PRUNE2: variants seen among roughly 807,000 people sequenced by gnomAD.
PRUNE2 encodes protein prune homolog 2.
Under a neutral mutation model 252.0 loss-of-function variants are expected in PRUNE2, and 164 were observed. The observed-to-expected ratio is 0.65, with a 90% CI of 0.57 to 0.74. PRUNE2 has a LOEUF of 0.74. PRUNE2 is among the 30% of genes least tolerant of loss of function. The pLI, the probability that PRUNE2 is intolerant of heterozygous loss-of-function variation, is 0.00. For synonymous variants in PRUNE2, 1,292 were observed against 1,350.2 expected (o/e 0.96, Z 0.94); for missense variants, 3,495 against 3,711.0 (o/e 0.94, Z 1.51).
At chr9:76,846,371 T>G in intron 4 of PRUNE2, 144 bp downstream of exon 4, 1 of 599,280 alleles carries the variant, frequency 1.7e-6, no homozygotes, top group Non-Finnish European at 2.8e-6. Context: ...AACAAACTCT[T>G]TACTCCCTGC....
intron 9 of PRUNE2, among the ~76,000 whole-genome samples, chr9:76,702,630 T>TGAATGAATGAATGAATGAAA (rs1588689034): frequency 6.6e-6 from 1 of 152,072 alleles, no homozygotes; most frequent in Non-Finnish European, 1.5e-5. Context: ...AATGAATGAA[T>TGAATGAATGAATGAATGAAA]CACTGATTTA....
At chr9:76,905,381 C>T (rs1053958664) in intron 1 of PRUNE2, among the ~76,000 whole-genome samples, 4 of 152,188 alleles carry the variant, frequency 2.6e-5, no homozygotes. Context: ...CAGATGTGAA[C>T]AGGAATTAGC....
chr9:76,884,130 G>A (rs2061950247), intron 1 of PRUNE2, among the ~76,000 whole-genome samples: 1 of 152,080 alleles, frequency 6.6e-6, no homozygotes, highest in Non-Finnish European at 1.5e-5. Flanking sequence ...GATGTAACCA[G>A]TTGATGGTTT....
intron 9 of PRUNE2, among the ~76,000 whole-genome samples, chr9:76,695,898 C>A (rs2045337139): frequency 6.6e-6 from 1 of 151,788 alleles, no homozygotes; most frequent in Non-Finnish European, 1.5e-5. Flanking sequence ...AATAGAAGAT[C>A]TTTTCAGATG....
rs577230178 is a variant in PRUNE2, at chr9:76,710,771, C to A, written c.1503G>T (p.Met501Ile). The part of the protein sequence containing the change: ...FDLFNFDPAP[M>I]ASGQSQQSSH... ...AAGATTGCTGGGACTGCCCAGAAGC[C>A]ATGGGTGCTGGGTCAAAATTGAAGA... is the stretch of plus-strand genomic sequence containing the variant. Residue 501 changes from methionine (M) to isoleucine (I), a missense_variant, in exon 8 of 19, where the codon ATG (methionine) becomes ATT (isoleucine). Met to Ile is a conservative substitution (Grantham distance 10). Coordinates refer to ENST00000376718, the MANE Select transcript of PRUNE2 (RefSeq NM_015225.3). 25 of 1,604,298 alleles carry A rather than the reference C, an allele frequency of 1.6e-5. No individual in the cohort carries two copies. The East Asian group carries it at 4.9e-4, about 31-fold the overall frequency.
chr9:76,737,903 A>C (rs1034995106), intron 6 of PRUNE2: 4 of 152,232 alleles, frequency 2.6e-5, no homozygotes, highest in Non-Finnish European at 4.4e-5. Context: ...TTTTTGGATA[A>C]AACCTTGCAT....
At chr9:76,839,472 G>A (rs1191611281) in intron 4 of PRUNE2, among the ~76,000 whole-genome samples, 2 of 152,222 alleles carry the variant, frequency 1.3e-5, no homozygotes, top group Non-Finnish European at 2.9e-5. Flanking sequence ...AGTGGAAAGA[G>A]TTTGGCATAT....
chr9:76,874,001 C>A (rs1426112693), intron 1 of PRUNE2, among the ~76,000 whole-genome samples: 2 of 152,180 alleles, frequency 1.3e-5, no homozygotes, highest in African/African-American at 2.4e-5. Flanking sequence ...AACAGGGCAA[C>A]TTATCTTGTC....
chr9:76,877,428 G>A (rs559455420), intron 1 of PRUNE2, among the ~76,000 whole-genome samples: 3 of 152,176 alleles, frequency 2.0e-5, no homozygotes, highest in African/African-American at 7.2e-5. Flanking sequence ...AGGAGGCGGA[G>A]GTTGCAGTGA....
rs376499324 is a variant in PRUNE2, at chr9:76,757,517, A to G, written c.757-43796T>C. On this transcript the variant is annotated intron_variant, in intron 6 of 18. Transcript: ENST00000376718. ...AACTAAAGCATCTATAAACCATTCT[A>G]AGTTTTTCTGCTTGAGATGACTAAT... 1.2e-4 allele frequency among the ~76,000 whole-genome samples: 18 copies of G among 152,336 alleles called. No homozygotes were observed. The East Asian group carries it at 3.1e-3, about 26-fold the overall frequency.
chr9:76,713,483 T>A, intron 7 of PRUNE2, 80 bp downstream of exon 7: 1 of 1,156,380 alleles, frequency 8.6e-7, no homozygotes, highest in Non-Finnish European at 1.2e-6. Flanking sequence ...GCCACCAATC[T>A]GTTCTGTCTT....
At chr9:76,629,057 T>C in intron 16 of PRUNE2, 135 bp downstream of exon 16, 3 of 564,132 alleles carry the variant, frequency 5.3e-6, no homozygotes, top group Non-Finnish European at 9.3e-6. Context: ...TTGTCCAGGC[T>C]GATTGCAAAC....
Position 76,775,796 on chromosome 9 carries a change from A to T in PRUNE2, c.756+47836T>A, listed in dbSNP as rs376625884. ...CCCAGAAAAAGCACAAGGATTGCTC[A>T]CCCGGCCTTCATGCCGGCTATGCAG... On this transcript the variant is annotated intron_variant, in intron 6 of 18. Transcript: ENST00000376718. Among the ~76,000 whole-genome samples the T allele has an allele frequency of 2.7e-4, 41 of 152,310 alleles. 1 individual carries two copies. In the South Asian group the frequency reaches 8.3e-3, roughly 31 times the overall value.
At chr9:76,684,432 C>T (rs1303762267) in intron 9 of PRUNE2, among the ~76,000 whole-genome samples, 1 of 152,190 alleles carries the variant, frequency 6.6e-6, no homozygotes, top group Non-Finnish European at 1.5e-5. Context: ...CAGGGCAGCT[C>T]CAGAGTCCCT....
intron 6 of PRUNE2, 45 bp from the exon 7 acceptor site, chr9:76,713,766 G>A (rs1311588915): frequency 7.1e-7 from 1 of 1,415,732 alleles, no homozygotes; most frequent in Admixed American, 2.0e-5. Flanking sequence ...AAACTGCCCA[G>A]CTGCGGGGAG....
chr9:76,731,314 A>ATCTATC (rs1564171954), intron 6 of PRUNE2, among the ~76,000 whole-genome samples: 3 of 98,292 alleles, frequency 3.1e-5, no homozygotes, highest in African/African-American at 1.3e-4. Context: ...ATCTATCTAT[A>ATCTATC]TATATATATA....
chr9:76,620,905 A>G (rs1832009176), intron 17 of PRUNE2, among the ~76,000 whole-genome samples: 1 of 152,180 alleles, frequency 6.6e-6, no homozygotes, highest in South Asian at 2.1e-4. Flanking sequence ...ATGCTTCCCA[A>G]TTTTCAAAAT....
Position 76,768,155 on chromosome 9 carries a change from G to C in PRUNE2, c.757-54434C>G, listed in dbSNP as rs116266488. Among the ~76,000 whole-genome samples, 317 of 151,948 alleles carry C rather than the reference G, an allele frequency of 2.1e-3. 3 individuals carry two copies. Among genetic ancestry groups the C allele is most frequent in the African/African-American group, 7.5e-3 (310 of 41,430 alleles). On this transcript the variant is annotated intron_variant, in intron 6 of 18. Coordinates refer to ENST00000376718, the MANE Select transcript of PRUNE2 (RefSeq NM_015225.3). ...CTAATTCCCCTCCCCAGAAAGCTTGGCTATACCTTGCCCTTGAACTAGTAC... is the reference window on the plus strand; with the variant it reads ...CTAATTCCCCTCCCCAGAAAGCTTGCCTATACCTTGCCCTTGAACTAGTAC...
chr9:76,825,731 TGAG>T (rs1024432047), intron 5 of PRUNE2, among the ~76,000 whole-genome samples: 1 of 152,194 alleles, frequency 6.6e-6, no homozygotes, highest in African/African-American at 2.4e-5. Context: ...GGGGTTGTCA[TGAG>T]GAGGATTCAG....
Sources: gnomAD v4.1 joint callset for allele counts (sites outside exome capture counted in the v4.1 genomes callset) on GRCh38, gnomAD v4.1.1 for gene constraint, MANE v1.5 for transcripts, NCBI Gene and HGNC (gene_info 2026-07-23, HGNC 2026-07-21) for gene names.